Variants in KIF1C observed in about 807,000 individuals in gnomAD.
KIF1C encodes the protein kinesin-like protein KIF1C.
In KIF1C, 61 loss-of-function variants were observed where a neutral mutation model predicts 126.5. The ratio of observed to expected loss-of-function variants is 0.48; its 90% CI spans 0.39 to 0.60. KIF1C has a LOEUF of 0.60. Ranked by LOEUF, KIF1C falls within the 20% of genes least tolerant of loss-of-function variation. The probability of loss-of-function intolerance (pLI) is 0.00; values close to 1 mark genes in which losing one functional copy is unlikely to be tolerated. For missense variants in KIF1C, 1,315 were observed against 1,489.2 expected (o/e 0.88, Z 1.93); for synonymous variants, 640 against 580.6 (o/e 1.10, Z -1.47).
chr17:5,017,551 G>A (rs1051231800), intron 18 of KIF1C, among the ~76,000 whole-genome samples: 1 of 152,042 alleles, frequency 6.6e-6, no homozygotes, highest in African/African-American at 2.4e-5. Context: ...TGATCCACCC[G>A]CCTCGGCCTC....
chr17:5,002,335 G>C, intron 6 of KIF1C, 129 bp from the exon 7 acceptor site: 1 of 1,006,022 alleles, frequency 9.9e-7, no homozygotes, highest in South Asian at 1.5e-5. Flanking sequence ...CGCTGAGCTA[G>C]CATCTGCAGA....
At chr17:5,003,553 AT>A in intron 8 of KIF1C, 58 bp from the exon 9 acceptor site, 1 of 1,271,800 alleles carries the variant, frequency 7.9e-7, no homozygotes. Flanking sequence ...TGCTTCCCTG[AT>A]TTCCCTGCCC....
Position 5,023,310 on chromosome 17 carries a change from C to T in KIF1C, c.2629-158C>T, listed in dbSNP as rs1391676338. On this transcript the variant is annotated intron_variant, in intron 22 of 22. Coordinates refer to ENST00000320785, the MANE Select transcript of KIF1C (RefSeq NM_006612.6). This position sits in a 1 kb window ranked among gnomAD's most constrained non-coding sequence, Gnocchi z 4.2. ...CTGCGATTACAGGCGTGAGCCACTGCGCCCGGCCCTAAACCACTATTTTTC... is the reference window on the plus strand; with the variant it reads ...CTGCGATTACAGGCGTGAGCCACTGTGCCCGGCCCTAAACCACTATTTTTC... 5.3e-5 allele frequency among the ~76,000 whole-genome samples: 8 copies of T among 152,126 alleles called. No homozygotes were observed. The highest frequency in any genetic ancestry group is 2.9e-5 in the Non-Finnish European group (2 of 68,024).
At position 5,026,418 on chromosome 17, in the gene KIF1C, CCTTGA is replaced by C; in HGVS notation, c.*2271_*2275del. The C allele has an allele frequency of 6.6e-6, 1 of 152,158 alleles. No homozygotes were observed. Among genetic ancestry groups the C allele is most frequent in the East Asian group, 1.9e-4 (1 of 5,180 alleles). 9.4% of individuals were successfully genotyped at this position (152,158 alleles called of 1,614,324 possible). ...AAGACGGATTATTTTTCCCTAAAGACCTTGACTTATGTAAATGTATATTATCCATA... is the reference window on the plus strand; with the variant it reads ...AAGACGGATTATTTTTCCCTAAAGACCTTATGTAAATGTATATTATCCATA... On this transcript the variant is annotated 3_prime_UTR_variant, in exon 23 of 23. Transcript: ENST00000320785.
intron 21 of KIF1C, among the ~76,000 whole-genome samples, chr17:5,021,837 T>C (rs989494226): frequency 1.1e-4 from 17 of 152,208 alleles, no homozygotes; most frequent in South Asian, 2.1e-4. Flanking sequence ...CTAATACTTA[T>C]GGTAACTTTC....
Position 5,022,255 on chromosome 17 carries a change from T to C in KIF1C, c.2174T>C (p.Val725Ala). ...GGCAAGCGCAGGGCCCCTCGCAGGG[T>C]TTATCAGATCCCCCAGCGACGCAGG... The part of the protein sequence containing the change: ...SSGKRRAPRR[V>A]YQIPQRRRLQ... The change falls in exon 22 of 23, where the codon GTT becomes GCT. Residue 725 changes from valine (V) to alanine (A), a missense_variant. Coordinates refer to ENST00000320785, the MANE Select transcript of KIF1C (RefSeq NM_006612.6). This position sits in a 1 kb window ranked among gnomAD's most constrained non-coding sequence, Gnocchi z 4.9. 2.5e-6 allele frequency: 4 copies of C among 1,613,992 alleles called. No individual in the cohort carries two copies. The highest frequency in any genetic ancestry group is 3.4e-6 in the Non-Finnish European group (4 of 1,179,992).
chr17:5,016,177 G>A (rs1016210141), intron 18 of KIF1C, among the ~76,000 whole-genome samples: 5 of 148,626 alleles, frequency 3.4e-5, no homozygotes, highest in South Asian at 4.3e-4. Context: ...TCGCTGTGTC[G>A]TCCAGGCTGG....
intron 11 of KIF1C, 61 bp from the exon 12 acceptor site, chr17:5,004,506 C>T: frequency 1.3e-6 from 2 of 1,509,756 alleles, no homozygotes; most frequent in Middle Eastern, 1.7e-4. Flanking sequence ...GCCCTGTGAC[C>T]CGGTCTGACT....
chr17:5,005,056 C>T, intron 13 of KIF1C, 56 bp downstream of exon 13: 1 of 1,608,138 alleles, frequency 6.2e-7, no homozygotes, highest in East Asian at 2.2e-5. Flanking sequence ...CCCCATCCCT[C>T]CTCACTTGCC....
chr17:5,028,366 CTT>C lies in KIF1C; in HGVS notation c.*4218_*4219del, dbSNP rs1975244249. ...TTTTTGTTGTTGTTGTCACCTGGAA[CTT>C]TTGTATCTTGAATAAATTTGGGGAT... is the stretch of plus-strand genomic sequence containing the variant. On this transcript the variant is annotated 3_prime_UTR_variant, in exon 23 of 23. Coordinates refer to ENST00000320785, the MANE Select transcript of KIF1C (RefSeq NM_006612.6). 1 of 151,976 alleles carries C rather than the reference CTT, an allele frequency of 6.6e-6. No individual in the cohort carries two copies. The highest frequency in any genetic ancestry group is 2.4e-5 in the African/African-American group (1 of 41,388). 9.4% of individuals were successfully genotyped at this position (151,976 alleles called of 1,614,324 possible).
In KIF1C at chr17:5,003,904, C is replaced by T. The variant is rs767573160; in HGVS notation, c.852C>T (p.Ala284=). 5.0e-6 allele frequency: 8 copies of T among 1,613,892 alleles called. No homozygotes were observed. The highest frequency in any genetic ancestry group is 1.7e-5 in the Admixed American group (1 of 60,010). The change falls in exon 10 of 23, where the codon GCC becomes GCT. Residue 284 remains alanine, a synonymous_variant. Transcript: ENST00000320785. ...SLTTLGKVIS[A]LADMQSKKRK... ...CTACACTAGGGAAAGTGATCTCGGC[C>T]CTTGCAGATATGGTGAGACCTGGGT...
At chr17:5,009,249 G>A (rs932652842) in intron 16 of KIF1C, among the ~76,000 whole-genome samples, 2 of 151,038 alleles carry the variant, frequency 1.3e-5, no homozygotes, top group Non-Finnish European at 2.9e-5. Flanking sequence ...GTGCAATCTT[G>A]GCTGACTGCA....
intron 1 of KIF1C, among the ~76,000 whole-genome samples, chr17:4,998,527 C>G (rs544192514): frequency 6.6e-6 from 1 of 152,338 alleles, no homozygotes; most frequent in South Asian, 2.1e-4. Context: ...CCTCTATTCC[C>G]TTACCCCGCT....
Position 5,022,558 on chromosome 17 carries a change from G to T in KIF1C, c.2477G>T (p.Arg826Leu). 6.3e-7 allele frequency: 1 copy of T among 1,592,282 alleles called. No individual in the cohort carries two copies. Among genetic ancestry groups the T allele is most frequent in the Admixed American group, 1.8e-5 (1 of 56,222 alleles). ...GSGGGSEEGA[R>L]GAEVEDLRAH... ...GGTGGTGGCAGTGAGGAGGGAGCCC[G>T]AGGGGCGGAGGTGGAGGACCTCCGG... The change falls in exon 22 of 23, where the codon CGA becomes CTA. Residue 826 changes from arginine to leucine, a missense_variant. By Grantham distance (102) the Arg-to-Leu change is moderately radical. This residue lies in a region of KIF1C where 441 missense variants were observed against 436.1 expected (regional missense o/e 1.01). Coordinates refer to ENST00000320785, the MANE Select transcript of KIF1C (RefSeq NM_006612.6). This position sits in a 1 kb window ranked among gnomAD's most constrained non-coding sequence, Gnocchi z 4.9.
rs1397503091 is a variant in KIF1C at position 5,004,972 on chromosome 17, T to C, written c.1137T>C (p.Ala379=). The change falls in exon 13 of 23, where the codon GCT becomes GCC. Residue 379 remains alanine (A), a synonymous_variant. Transcript: ENST00000320785. ...EVARLRELLM[A]QGLSASALEG... is the part of the protein sequence containing the mutation. ...CCCGGCTGCGGGAACTGCTGATGGC[T>C]CAGGGACTGTCAGCCTCTGCTCTGG... 5 of 1,614,208 alleles carry C rather than the reference T, an allele frequency of 3.1e-6. No homozygotes were observed. The highest frequency in any genetic ancestry group is 1.1e-5 in the South Asian group (1 of 91,090).
At chr17:5,006,148 G>T (rs901772383) in intron 13 of KIF1C, among the ~76,000 whole-genome samples, 4 of 148,464 alleles carry the variant, frequency 2.7e-5, no homozygotes, top group African/African-American at 9.9e-5. Context: ...TGGAGGTTGC[G>T]GTGAGCCAAG....
intron 18 of KIF1C, among the ~76,000 whole-genome samples, chr17:5,018,038 T>C (rs977988710): frequency 6.6e-6 from 1 of 152,110 alleles, no homozygotes; most frequent in Non-Finnish European, 1.5e-5. Flanking sequence ...TAGAGTGCAG[T>C]GGCATGATCA....
intron 16 of KIF1C, among the ~76,000 whole-genome samples, chr17:5,010,564 A>C (rs927781816): frequency 2.6e-5 from 4 of 151,578 alleles, no homozygotes; most frequent in East Asian, 4.0e-4. Flanking sequence ...CTGGCTAACA[A>C]GGTGAAACCC....
At chr17:5,019,951 T>C (rs1488439457) in intron 18 of KIF1C, 45 bp from the exon 19 acceptor site, 1 of 1,494,588 alleles carries the variant, frequency 6.7e-7, no homozygotes, top group Admixed American at 1.9e-5. Context: ...TGACCCACCT[T>C]CCTCCAGGGT....
Sources: gnomAD v4.1 joint callset for allele counts (sites outside exome capture counted in the v4.1 genomes callset) on GRCh38, gnomAD v4.1.1 for gene constraint, gnomAD v4.1.1 regional missense constraint, Gnocchi (gnomAD v3.1) non-coding constraint, MANE v1.5 for transcripts, NCBI Gene and HGNC (gene_info 2026-07-23, HGNC 2026-07-21) for gene names.